The following SPTAN1 variants were observed in gnomAD, a reference collection of about 807,000 sequenced individuals.
SPTAN1 encodes spectrin alpha, non-erythrocytic 1.
A neutral mutation model predicts 331.3 loss-of-function variants in SPTAN1; 61 were observed. The observed-to-expected ratio is 0.18, with a 90% CI of 0.15 to 0.23. SPTAN1 has a LOEUF of 0.23. SPTAN1 is among the 10% of genes least tolerant of loss of function. The pLI is 1.00. For synonymous variants in SPTAN1, 1,153 were observed against 1,173.9 expected, an observed-to-expected ratio of 0.98 and a Z score of 0.36; for missense variants, 2,043 against 3,147.9, an observed-to-expected ratio of 0.65 and a Z score of 8.40.
At chr9:128,603,669 T>G in intron 28 of SPTAN1, 79 bp downstream of exon 28, 1 of 1,551,722 alleles carries the variant, frequency 6.4e-7, no homozygotes, top group Non-Finnish European at 8.9e-7. Flanking sequence ...GCAGAGCTCT[T>G]GTTCTTGTCA....
intron 27 of SPTAN1, among the ~76,000 whole-genome samples, chr9:128,600,703 C>T (rs772513871): frequency 3.9e-5 from 6 of 152,168 alleles, no homozygotes; most frequent in African/African-American, 1.4e-4. Flanking sequence ...TGCCCTGTCA[C>T]CCAGGCTGGA....
chr9:128,584,416 G>A lies in SPTAN1; in HGVS notation c.2328G>A (p.Arg776=). 6.2e-7 allele frequency: 1 copy of A among 1,614,150 alleles called. No homozygotes were observed. The change falls in exon 17 of 57, where the codon CGG becomes CGA. Residue 776 remains arginine, a synonymous_variant. Transcript: ENST00000372739. ...CACTCAAGGAGCCCATGGTTGCCCG[G>A]AAGCAGAAGCTGGCCGATTCTCTGC... ...YEALKEPMVA[R]KQKLADSLRL...
intron 39 of SPTAN1, among the ~76,000 whole-genome samples, chr9:128,613,088 C>A (rs1856750947): frequency 6.6e-6 from 1 of 152,126 alleles, no homozygotes; most frequent in South Asian, 2.1e-4. Flanking sequence ...GTCCACACTG[C>A]TGATTCTTTC....
intron 21 of SPTAN1, among the ~76,000 whole-genome samples, chr9:128,590,109 C>T (rs1853276506): frequency 6.6e-6 from 1 of 152,202 alleles, no homozygotes; most frequent in Non-Finnish European, 1.5e-5. Flanking sequence ...TTAGTTAAGG[C>T]TGGAGAAATG....
chr9:128,571,207 T>G (rs1410472627), intron 3 of SPTAN1, among the ~76,000 whole-genome samples: 1 of 152,020 alleles, frequency 6.6e-6, no homozygotes, highest in Non-Finnish European at 1.5e-5. Flanking sequence ...GGAGGATTGC[T>G]TGATCCTGGG....
At chr9:128,599,158 G>T in intron 26 of SPTAN1, 172 bp downstream of exon 26, 1 of 714,822 alleles carries the variant, frequency 1.4e-6, no homozygotes, top group Non-Finnish European at 2.5e-6. Context: ...TTTTTGAGAC[G>T]GAGTCTCACT....
intron 24 of SPTAN1, 56 bp downstream of exon 24, chr9:128,594,429 ATTTTTTTT>A: frequency 7.9e-6 from 6 of 759,414 alleles, no homozygotes; most frequent in South Asian, 1.8e-5. Context: ...GAGTCTCTTG[ATTTTTTTT>A]TTTTTTTTTT....
chr9:128,588,675 G>A, intron 20 of SPTAN1, 134 bp from the exon 21 acceptor site: 1 of 1,273,902 alleles, frequency 7.8e-7, no homozygotes, highest in African/African-American at 1.5e-5. Context: ...TTTATTGGTA[G>A]CTTCAGTGAA....
chr9:128,615,425 A>G (rs1264714152), intron 40 of SPTAN1, among the ~76,000 whole-genome samples: 1 of 152,182 alleles, frequency 6.6e-6, no homozygotes, highest in Non-Finnish European at 1.5e-5. Context: ...CTTTTGTACT[A>G]TCAGTGCAAA....
Position 128,604,335 on chromosome 9 carries a change from G to A in SPTAN1, c.3637G>A (p.Glu1213Lys). The A allele has an allele frequency of 6.2e-7, 1 of 1,613,964 alleles. No individual in the cohort carries two copies. The highest frequency in any genetic ancestry group is 8.5e-7 in the Non-Finnish European group (1 of 1,179,948). The change falls in exon 29 of 57, where the codon GAG (glutamate) becomes AAG (lysine). Residue 1213 changes from glutamate (E) to lysine (K), a missense_variant. By Grantham distance (56) the Glu-to-Lys change is moderately conservative. This residue lies in a region of SPTAN1 where 1,038 missense variants were observed against 1,531.5 expected (regional missense o/e 0.68). Coordinates refer to ENST00000372739, the MANE Select transcript of SPTAN1 (RefSeq NM_001130438.3). ...TTTTGCTGTCCTGCAGGAGCTGAAT[G>A]AGCGCTGGCGGTCCCTACAGCAGCT... ...ATFNSIKELN[E>K]RWRSLQQLAE... is the part of the protein sequence containing the mutation.
At chr9:128,607,331 C>T (rs1455071619) in intron 31 of SPTAN1, among the ~76,000 whole-genome samples, 3 of 152,104 alleles carry the variant, frequency 2.0e-5, no homozygotes, top group Admixed American at 6.6e-5. Flanking sequence ...TTGAAGCTAT[C>T]AAAGACTTAA....
intron 9 of SPTAN1, 31 bp from the exon 10 acceptor site, chr9:128,579,606 C>G (rs768910504): frequency 6.3e-7 from 1 of 1,577,670 alleles, no homozygotes; most frequent in South Asian, 1.1e-5. Flanking sequence ...ATGCTGGGCA[C>G]AAATCATGGC....
At chr9:128,612,388 C>A in intron 39 of SPTAN1, 142 bp downstream of exon 39, 1 of 1,096,842 alleles carries the variant, frequency 9.1e-7, no homozygotes, top group Non-Finnish European at 1.4e-6. Context: ...ATATGAGTTG[C>A]ATGCTGTAAG....
At chr9:128,606,476 T>C (rs1855885599) in intron 31 of SPTAN1, among the ~76,000 whole-genome samples, 1 of 31,696 alleles carries the variant, frequency 3.2e-5, no homozygotes, top group Admixed American at 4.9e-4. Context: ...CCTAGACATA[T>C]ATATATATAT....
chr9:128,576,276 C>T (rs922886206), intron 5 of SPTAN1, among the ~76,000 whole-genome samples: 3 of 152,110 alleles, frequency 2.0e-5, no homozygotes, highest in Non-Finnish European at 4.4e-5. Flanking sequence ...TGCAGTGGCA[C>T]CTGCCTATAG....
chr9:128,628,002 C>T, intron 51 of SPTAN1, 60 bp downstream of exon 51: 1 of 1,609,018 alleles, frequency 6.2e-7, no homozygotes, highest in Non-Finnish European at 8.5e-7. Flanking sequence ...GCGCTTGCCC[C>T]TCGTGGCCTG....
At position 128,591,518 on chromosome 9, in the gene SPTAN1, G is replaced by A; in HGVS notation, c.3048G>A (p.Val1016=). 6.2e-7 allele frequency: 1 copy of A among 1,614,166 alleles called. No homozygotes were observed. Among genetic ancestry groups the A allele is most frequent in the Non-Finnish European group, 8.5e-7 (1 of 1,180,028 alleles). Residue 1016 remains valine (V), a synonymous_variant, in exon 22 of 57, where the codon GTG becomes GTA. Coordinates refer to ENST00000372739, the MANE Select transcript of SPTAN1 (RefSeq NM_001130438.3). ...KVEVNDRQGF[V]PAAYVKKLDP... Reference sequence around the variant, plus strand: ...AAGTGAACGATCGTCAGGGTTTTGTGCCGGCTGCGTACGTGAAGAAATTGG... The same window carrying A: ...AAGTGAACGATCGTCAGGGTTTTGTACCGGCTGCGTACGTGAAGAAATTGG...
chr9:128,584,188 T>G, intron 16 of SPTAN1, 94 bp from the exon 17 acceptor site: 1 of 1,590,472 alleles, frequency 6.3e-7, no homozygotes. Flanking sequence ...GAAAGAATCC[T>G]CTCAGGAATG....
intron 3 of SPTAN1, among the ~76,000 whole-genome samples, chr9:128,569,980 G>A (rs947741747): frequency 6.6e-6 from 1 of 152,050 alleles, no homozygotes; most frequent in Non-Finnish European, 1.5e-5. Flanking sequence ...AATTCCAAAT[G>A]TCATATGACT....
Sources: gnomAD v4.1 joint callset for allele counts (sites outside exome capture counted in the v4.1 genomes callset) on GRCh38, gnomAD v4.1.1 for gene constraint, gnomAD v4.1.1 regional missense constraint, MANE v1.5 for transcripts, NCBI Gene and HGNC (gene_info 2026-07-23, HGNC 2026-07-21) for gene names.